MACROD2: variants seen among roughly 807,000 people sequenced by gnomAD.
The protein encoded by MACROD2 is ADP-ribose glycohydrolase MACROD2.
MACROD2 carries 36 observed loss-of-function variants against 70.4 expected under a neutral mutation model. That is an observed-to-expected ratio of 0.51 (90% CI 0.39 to 0.68). The LOEUF (loss-of-function observed/expected upper bound fraction) is 0.68, where lower values mean the gene tolerates loss of function less well. Among genes scored for constraint, MACROD2 ranks in the 30% least tolerant of loss-of-function variants. MACROD2 has a pLI of 0.00. For missense variants in MACROD2, 496 were observed against 538.4 expected, an observed-to-expected ratio of 0.92 and a Z score of 0.78; for synonymous variants, 172 against 178.8, an observed-to-expected ratio of 0.96 and a Z score of 0.30.
intron 6 of MACROD2, among the ~76,000 whole-genome samples, chr20:15,349,740 A>G (rs974574333): frequency 1.4e-5 from 2 of 145,198 alleles, no homozygotes; most frequent in Non-Finnish European, 3.0e-5. Flanking sequence ...TGGATGACAG[A>G]GAAAAACTCA....
chr20:15,664,132 G>C (rs546739645), intron 8 of MACROD2, among the ~76,000 whole-genome samples: 1 of 152,192 alleles, frequency 6.6e-6, no homozygotes, highest in Non-Finnish European at 1.5e-5. Context: ...ATCACCTTCA[G>C]CTTGAGTCTG....
chr20:15,249,230 G>A (rs1461255577), intron 6 of MACROD2, among the ~76,000 whole-genome samples: 1 of 152,158 alleles, frequency 6.6e-6, no homozygotes, highest in Non-Finnish European at 1.5e-5. Flanking sequence ...GGTTATCTGT[G>A]GCTATGGGAG....
intron 8 of MACROD2, among the ~76,000 whole-genome samples, chr20:15,861,630 CAG>C (rs1343112563): frequency 2.0e-5 from 3 of 152,154 alleles, no homozygotes; most frequent in Admixed American, 1.3e-4. Context: ...TAGGCTTGGG[CAG>C]AGACTAAGGA....
chr20:14,681,567 G>A (rs2070933009), intron 4 of MACROD2, among the ~76,000 whole-genome samples: 1 of 152,160 alleles, frequency 6.6e-6, no homozygotes, highest in Non-Finnish European at 1.5e-5. Context: ...AGTCAGAACA[G>A]GAACTCCCTC....
chr20:15,738,548 G>A (rs2051058898), intron 8 of MACROD2, among the ~76,000 whole-genome samples: 1 of 152,142 alleles, frequency 6.6e-6, no homozygotes, highest in South Asian at 2.1e-4. Context: ...ATAGAGAAGA[G>A]TGAAGGTAAT....
chr20:14,146,149 T>C (rs997267415), intron 3 of MACROD2, among the ~76,000 whole-genome samples: 2 of 151,996 alleles, frequency 1.3e-5, no homozygotes, highest in Admixed American at 6.6e-5. Flanking sequence ...GGTGAAACCC[T>C]GTCTCTACTA....
At chr20:15,539,699 G>C (rs6043351) in intron 8 of MACROD2, among the ~76,000 whole-genome samples, 1 of 152,042 alleles carries the variant, frequency 6.6e-6, no homozygotes, top group East Asian at 1.9e-4. Context: ...TACTTAGAAG[G>C]TTCTTGAGCC....
At chr20:15,167,996 C>T (rs1289521801) in intron 5 of MACROD2, among the ~76,000 whole-genome samples, 1 of 152,132 alleles carries the variant, frequency 6.6e-6, no homozygotes, top group Admixed American at 6.6e-5. Flanking sequence ...CCTCTGTCCC[C>T]ACACCTCTCT....
At chr20:15,743,390 T>C (rs1600831390) in intron 8 of MACROD2, among the ~76,000 whole-genome samples, 1 of 152,254 alleles carries the variant, frequency 6.6e-6, no homozygotes, top group Non-Finnish European at 1.5e-5. Flanking sequence ...CAAGTAGACA[T>C]GGAGGTTACA....
chr20:14,353,798 C>T (rs2083146649), intron 3 of MACROD2, among the ~76,000 whole-genome samples: 2 of 152,076 alleles, frequency 1.3e-5, no homozygotes, highest in South Asian at 4.2e-4. Context: ...TTTCATGTTT[C>T]ATTGGTTAAA....
chr20:14,445,677 C>T (rs2084174801), intron 3 of MACROD2, among the ~76,000 whole-genome samples: 2 of 152,112 alleles, frequency 1.3e-5, no homozygotes, highest in Non-Finnish European at 2.9e-5. Context: ...TGGCATTTTC[C>T]TGTTTCCTTT....
intron 5 of MACROD2, among the ~76,000 whole-genome samples, chr20:15,134,200 C>T (rs1351590446): frequency 3.4e-5 from 5 of 147,244 alleles, no homozygotes; most frequent in South Asian, 2.2e-4. Flanking sequence ...CCACCGTGCC[C>T]GGCTCTTTTA....
At chr20:14,574,242 T>G (rs1381829505) in intron 4 of MACROD2, among the ~76,000 whole-genome samples, 2 of 152,166 alleles carry the variant, frequency 1.3e-5, no homozygotes, top group African/African-American at 2.4e-5. Context: ...CTCAGACCTC[T>G]GCTACTTGCC....
At chr20:15,225,949 T>C (rs1318356766) in intron 5 of MACROD2, among the ~76,000 whole-genome samples, 6 of 152,220 alleles carry the variant, frequency 3.9e-5, no homozygotes, top group African/African-American at 1.4e-4. Context: ...TAGATATGAT[T>C]AAATCATTTT....
intron 3 of MACROD2, among the ~76,000 whole-genome samples, chr20:14,317,591 G>A (rs1440568672): frequency 6.9e-6 from 1 of 143,944 alleles, no homozygotes; most frequent in Admixed American, 7.2e-5. Context: ...CTGCACTCCA[G>A]CCTGATGATA....
chr20:14,207,210 G>A (rs573129508), intron 3 of MACROD2, among the ~76,000 whole-genome samples: 1 of 152,022 alleles, frequency 6.6e-6, no homozygotes, highest in African/African-American at 2.4e-5. Context: ...CGATTCTCCT[G>A]CCTTAGCCTC....
At chr20:15,265,942 A>T (rs2077290674) in intron 6 of MACROD2, among the ~76,000 whole-genome samples, 1 of 152,260 alleles carries the variant, frequency 6.6e-6, no homozygotes, top group Non-Finnish European at 1.5e-5. Context: ...AGCATCTGCT[A>T]ACATTCCCTC....
chr20:14,515,465 G>GCGCGCGCGCGCGCACACACA (rs1369248292), intron 4 of MACROD2, among the ~76,000 whole-genome samples: 2 of 127,066 alleles, frequency 1.6e-5, no homozygotes, highest in African/African-American at 6.3e-5. Context: ...ACACACACAC[G>GCGCGCGCGCGCGCACACACA]CACACACACA....
At chr20:14,150,828 A>G (rs1475280342) in intron 3 of MACROD2, among the ~76,000 whole-genome samples, 5 of 152,160 alleles carry the variant, frequency 3.3e-5, no homozygotes, top group Admixed American at 2.0e-4. Context: ...TCAATTATGA[A>G]TTTACCAGTA....
Sources: gnomAD v4.1 joint callset for allele counts (sites outside exome capture counted in the v4.1 genomes callset) on GRCh38, gnomAD v4.1.1 for gene constraint, MANE v1.5 for transcripts, NCBI Gene and HGNC (gene_info 2026-07-23, HGNC 2026-07-21) for gene names.